RER1: variants seen among roughly 807,000 people sequenced by gnomAD.
RER1 encodes retention in endoplasmic reticulum sorting receptor 1, also known as protein RER1.
In RER1, 6 loss-of-function variants were observed where a neutral mutation model predicts 28.3. That is an observed-to-expected ratio of 0.21 (90% CI 0.12 to 0.42). RER1 has a LOEUF of 0.42. RER1 is among the 10% of genes least tolerant of loss of function. The pLI is 1.00. For missense variants in RER1, 159 were observed against 252.9 expected, an observed-to-expected ratio of 0.63 and a Z score of 2.52; for synonymous variants, 110 against 95.9, an observed-to-expected ratio of 1.15 and a Z score of -0.86.
chr1:2,392,225 G>A (rs1425090206), intron 1 of RER1, among the ~76,000 whole-genome samples: 2 of 152,118 alleles, frequency 1.3e-5, no homozygotes, highest in Non-Finnish European at 2.9e-5. Flanking sequence ...AGAGGGGCCG[G>A]GCGGGGGCTG....
At chr1:2,402,471 C>T (rs1175229314) in intron 6 of RER1, 129 bp downstream of exon 6, 78 of 1,225,492 alleles carry the variant, frequency 6.4e-5, no homozygotes, top group Non-Finnish European at 4.9e-5. Flanking sequence ...AGCTAAGTGG[C>T]ACCGTCTTGT....
chr1:2,402,254 T>C lies in RER1; in HGVS notation c.413T>C (p.Phe138Ser). Residue 138 changes from phenylalanine to serine, a missense_variant, in exon 6 of 7, where the codon TTC becomes TCC. Phe to Ser is a radical substitution (Grantham distance 155). Transcript: ENST00000605895. ...CTTGTGGCTATGGTCTGTACTTTCTTCGACGCTTTCAACGTCCCGGTGTTC... is the reference window on the plus strand; with the variant it reads ...CTTGTGGCTATGGTCTGTACTTTCTCCGACGCTTTCAACGTCCCGGTGTTC... The part of the protein sequence containing the change: ...GILVAMVCTF[F>S]DAFNVPVFWP... 1 of 1,614,226 alleles carries C rather than the reference T, an allele frequency of 6.2e-7. No homozygotes were observed.
chr1:2,405,292 CTGT>C lies in RER1; in HGVS notation c.*2170_*2172del, dbSNP rs1387767473. 6.7e-6 allele frequency: 2 copies of C among 299,334 alleles called. No homozygotes were observed. Among genetic ancestry groups the C allele is most frequent in the Non-Finnish European group, 1.3e-5 (2 of 154,538 alleles). 18.5% of individuals were successfully genotyped at this position (299,334 alleles called of 1,614,324 possible). ...CGCCTCCCATGGGGCCGTGGGGCTG[CTGT>C]TCTCACTGCACTGGCTGAAGCAACC... On this transcript the variant is annotated 3_prime_UTR_variant, in exon 7 of 7. Transcript: ENST00000605895.
At chr1:2,398,043 C>T (rs1307261751) in intron 3 of RER1, among the ~76,000 whole-genome samples, 21 of 152,286 alleles carry the variant, frequency 1.4e-4, no homozygotes, top group Middle Eastern at 3.4e-3. Flanking sequence ...AAAGAATGAC[C>T]TAGAAATCTT....
intron 6 of RER1, among the ~76,000 whole-genome samples, chr1:2,402,726 G>A (rs1436973579): frequency 1.3e-5 from 2 of 152,220 alleles, no homozygotes; most frequent in Non-Finnish European, 2.9e-5. Context: ...TGTGGCCTTC[G>A]TGCTGCGGGC....
At chr1:2,397,601 T>C (rs1279072317) in intron 3 of RER1, among the ~76,000 whole-genome samples, 1 of 151,390 alleles carries the variant, frequency 6.6e-6, no homozygotes, top group Non-Finnish European at 1.5e-5. Context: ...TTGGGTGTCA[T>C]GAATGACTCG....
Position 2,403,376 on chromosome 1 carries a change from A to AAGCCAGGCGGGT in RER1, c.*253_*264dup, listed in dbSNP as rs2100411599. ...GGAATTCTAGTCAGCTGCAGGCGGG[A>AAGCCAGGCGGGT]AGCCAGGCGGGTGGAGCCCATGGGA... On this transcript the variant is annotated 3_prime_UTR_variant, in exon 7 of 7. Coordinates refer to ENST00000605895, the MANE Select transcript of RER1 (RefSeq NM_007033.5). 1 of 424,036 alleles carries AAGCCAGGCGGGT rather than the reference A, an allele frequency of 2.4e-6. No individual in the cohort carries two copies. Among genetic ancestry groups the AAGCCAGGCGGGT allele is most frequent in the East Asian group, 5.0e-5 (1 of 20,074 alleles). The allele number at this position is 424,036 out of a possible 1,614,324, so 26.3% of individuals were successfully genotyped here. A position where few individuals can be genotyped will look rare whatever the true frequency, so the allele number is the denominator to read the frequency against.
chr1:2,402,104 T>A, intron 5 of RER1, 103 bp from the exon 6 acceptor site: 1 of 1,612,136 alleles, frequency 6.2e-7, no homozygotes, highest in East Asian at 2.2e-5. Context: ...CAGGGATGCT[T>A]CTGTTTGCGG....
At chr1:2,401,073 T>C (rs1642838695) in intron 5 of RER1, 138 bp downstream of exon 5, 1 of 715,316 alleles carries the variant, frequency 1.4e-6, no homozygotes, top group Non-Finnish European at 2.5e-6. Flanking sequence ...AGGGGCTCTC[T>C]GTAGAAGGCC....
At chr1:2,402,174 G>T (rs1214649012) in intron 5 of RER1, 33 bp from the exon 6 acceptor site, 1 of 1,614,084 alleles carries the variant, frequency 6.2e-7, no homozygotes, top group East Asian at 2.2e-5. Context: ...GCTGGCTGCA[G>T]ATGCGGCGCT....
chr1:2,402,924 C>T, intron 6 of RER1, 111 bp from the exon 7 acceptor site: 1 of 845,028 alleles, frequency 1.2e-6, no homozygotes, highest in South Asian at 1.6e-5. Flanking sequence ...TCCGATTCCA[C>T]TTGTCTGATG....
chr1:2,401,954 A>G (rs968991580), intron 5 of RER1: 5 of 1,417,758 alleles, frequency 3.5e-6, no homozygotes, highest in Non-Finnish European at 3.7e-6. Flanking sequence ...GATGCTTTAT[A>G]CTTTGTGTAG....
At chr1:2,400,705 C>T (rs550312115) in intron 4 of RER1, 152 bp from the exon 5 acceptor site, 2 of 698,796 alleles carry the variant, frequency 2.9e-6, no homozygotes, top group Admixed American at 2.2e-5. Context: ...CAGTTGACCA[C>T]AGACCCCCGT....
Position 2,398,318 on chromosome 1 carries a change from T to C in RER1, c.187-1097T>C, listed in dbSNP as rs538462176. Among the ~76,000 whole-genome samples, 3 of 152,378 alleles carry C rather than the reference T, an allele frequency of 2.0e-5. No individual in the cohort carries two copies. In the South Asian group the frequency reaches 6.2e-4, roughly 32 times the overall value. ...ATCAGTTAGCCCTCACATCTGGCGT[T>C]CAGCCGTCTGACTGGAAAAGCTTTT... is the stretch of plus-strand genomic sequence containing the variant. On this transcript the variant is annotated intron_variant, in intron 3 of 6. Coordinates refer to ENST00000605895, the MANE Select transcript of RER1 (RefSeq NM_007033.5).
intron 3 of RER1, among the ~76,000 whole-genome samples, chr1:2,397,687 C>T (rs567384920): frequency 3.9e-4 from 60 of 152,280 alleles, no homozygotes; most frequent in East Asian, 7.7e-4. Context: ...GTTGAGACGC[C>T]GAGTCAAGTA....
chr1:2,392,150 G>A (rs1642685484), intron 1 of RER1, among the ~76,000 whole-genome samples, 192 bp downstream of exon 1: 1 of 150,920 alleles, frequency 6.6e-6, no homozygotes, highest in South Asian at 2.1e-4. Context: ...CTCGGGGTCG[G>A]GCCCGGGACG....
At chr1:2,401,484 A>T in intron 5 of RER1, among the ~76,000 whole-genome samples, 1 of 130,590 alleles carries the variant, frequency 7.7e-6, no homozygotes, top group African/African-American at 3.0e-5. Flanking sequence ...CTTCTCCTGG[A>T]GTCATTTTTG....
intron 1 of RER1, among the ~76,000 whole-genome samples, chr1:2,392,996 C>T (rs537278910): frequency 2.0e-5 from 3 of 152,404 alleles, no homozygotes; most frequent in Admixed American, 6.5e-5. Flanking sequence ...GGGATGGGGA[C>T]GTGAAGAGAA....
At chr1:2,402,446 C>G (rs1454573878) in intron 6 of RER1, 104 bp downstream of exon 6, 1 of 1,480,028 alleles carries the variant, frequency 6.8e-7, no homozygotes, top group Non-Finnish European at 9.3e-7. Flanking sequence ...CAGAGTCTGC[C>G]TGGTGTGAAT....
Sources: allele counts gnomAD v4.1 joint callset (sites outside exome capture counted in the v4.1 genomes callset), GRCh38; gene constraint gnomAD v4.1.1; transcripts MANE v1.5; gene names NCBI Gene and HGNC (gene_info 2026-07-23, HGNC 2026-07-21).